AKAP8L: variants seen among roughly 807,000 people sequenced by gnomAD.
AKAP8L encodes A-kinase anchoring protein 8 like.
A neutral mutation model predicts 77.5 loss-of-function variants in AKAP8L; 34 were observed. That is an observed-to-expected ratio of 0.44 (90% CI 0.33 to 0.58). The LOEUF (loss-of-function observed/expected upper bound fraction) is 0.58. Ranked by LOEUF, AKAP8L falls within the 20% of genes least tolerant of loss-of-function variation. The pLI, the probability that AKAP8L is intolerant of heterozygous loss-of-function variation, is 0.02. For synonymous variants in AKAP8L, 342 were observed against 340.7 expected (o/e 1.00, Z -0.04); for missense variants, 806 against 887.6 (o/e 0.91, Z 1.17).
At chr19:15,390,094 G>A (rs1967629648) in intron 12 of AKAP8L, among the ~76,000 whole-genome samples, 1 of 151,646 alleles carries the variant, frequency 6.6e-6, no homozygotes. Context: ...AACAAGTGGA[G>A]ACTGAATTAT....
At chr19:15,387,247 A>ACT (rs1967558245) in intron 12 of AKAP8L, among the ~76,000 whole-genome samples, 2 of 152,080 alleles carry the variant, frequency 1.3e-5, no homozygotes, top group Non-Finnish European at 2.9e-5. Flanking sequence ...AGAGAGAGGT[A>ACT]CTCCATTGTC....
intron 12 of AKAP8L, among the ~76,000 whole-genome samples, chr19:15,391,971 G>C (rs1319051157): frequency 6.6e-6 from 1 of 152,122 alleles, no homozygotes; most frequent in African/African-American, 2.4e-5. Context: ...GCGTAGCGGG[G>C]ACTACAGGCA....
At chr19:15,392,352 T>C (rs1246792090) in intron 12 of AKAP8L, among the ~76,000 whole-genome samples, 2 of 151,624 alleles carry the variant, frequency 1.3e-5, no homozygotes, top group Non-Finnish European at 2.9e-5. Context: ...AAAAATTAGC[T>C]GGGCATAGTG....
intron 12 of AKAP8L, among the ~76,000 whole-genome samples, chr19:15,390,710 A>C (rs1440147761): frequency 1.3e-5 from 2 of 152,220 alleles, no homozygotes; most frequent in East Asian, 1.9e-4. Flanking sequence ...ATATATAAAC[A>C]TAATTACACA....
chr19:15,399,458 G>C lies in AKAP8L; in HGVS notation c.1049-48C>G, dbSNP rs775633147. 1 of 1,438,664 alleles carries C rather than the reference G, an allele frequency of 7.0e-7. No homozygotes were observed. Among genetic ancestry groups the C allele is most frequent in the East Asian group, 2.3e-5 (1 of 44,038 alleles). 89.1% of individuals were successfully genotyped at this position (1,438,664 alleles called of 1,614,324 possible). A position where few individuals can be genotyped will look rare whatever the true frequency, so the allele number is the denominator to read the frequency against. On this transcript the variant is annotated intron_variant, in intron 8 of 13. Coordinates refer to ENST00000397410, the MANE Select transcript of AKAP8L (RefSeq NM_014371.4). The surrounding 1 kb of genome is among the most constrained non-coding windows in gnomAD (Gnocchi z 6.1). ...TCACCAATTTGGCTCTGCCAGGACA[G>C]GGCAGGCCCTGCGGCCTCTGGCTGA...
rs1047479563 is a variant in AKAP8L at position 15,398,840 on chromosome 19, G to A, written c.1157+462C>T. 17 of 1,008,950 alleles carry A rather than the reference G, an allele frequency of 1.7e-5. No individual in the cohort carries two copies. The highest frequency in any genetic ancestry group is 3.9e-5 in the South Asian group (1 of 25,556). The allele number at this position is 1,008,950 out of a possible 1,614,324, so 62.5% of individuals were successfully genotyped here. A position where few individuals can be genotyped will look rare whatever the true frequency, so the allele number is the denominator to read the frequency against. On this transcript the variant is annotated intron_variant, in intron 9 of 13. Transcript: ENST00000397410. The surrounding 1 kb of genome is among the most constrained non-coding windows in gnomAD (Gnocchi z 9.2). Reference sequence around the variant, plus strand: ...ACAGGCCCGGCCTGACAGGGCCGGCGGGCAGGGCAGAAGGCAGGCCCGAGG... The same window carrying A: ...ACAGGCCCGGCCTGACAGGGCCGGCAGGCAGGGCAGAAGGCAGGCCCGAGG...
At chr19:15,413,942 ATC>A (rs1358068755) in intron 1 of AKAP8L, among the ~76,000 whole-genome samples, 1 of 152,202 alleles carries the variant, frequency 6.6e-6, no homozygotes, top group Non-Finnish European at 1.5e-5. Flanking sequence ...ATCAATGGCA[ATC>A]TCTGCTCTAA....
chr19:15,384,281 A>G (rs1967480394), intron 12 of AKAP8L, among the ~76,000 whole-genome samples: 1 of 142,402 alleles, frequency 7.0e-6, no homozygotes, highest in African/African-American at 2.6e-5. Context: ...AAAGATCTCA[A>G]GCCTTTCTTC....
rs1967812277 is a variant in AKAP8L at position 15,397,945 on chromosome 19, A to G, written c.1158-90T>C. The G allele has an allele frequency of 6.6e-7, 1 of 1,506,602 alleles. No individual in the cohort carries two copies. Among genetic ancestry groups the G allele is most frequent in the Admixed American group, 2.0e-5 (1 of 50,410 alleles). 93.3% of individuals were successfully genotyped at this position (1,506,602 alleles called of 1,614,324 possible). A position where few individuals can be genotyped will look rare whatever the true frequency, so the allele number is the denominator to read the frequency against. On this transcript the variant is annotated intron_variant, in intron 9 of 13. Transcript: ENST00000397410. The surrounding 1 kb of genome is among the most constrained non-coding windows in gnomAD (Gnocchi z 4.7). The stretch of plus-strand genomic sequence containing the variant: ...ACCCAACCCAGACACAAGCCCTGAA[A>G]CAGGCCTTGCTCACGGGCCTCTGAA...
At chr19:15,382,797 G>A (rs1325757684) in intron 12 of AKAP8L, among the ~76,000 whole-genome samples, 2 of 152,112 alleles carry the variant, frequency 1.3e-5, no homozygotes, top group African/African-American at 2.4e-5. Flanking sequence ...TTTCACTTGC[G>A]ACCAGCCACT....
intron 12 of AKAP8L, among the ~76,000 whole-genome samples, chr19:15,388,922 A>T (rs1373728399): frequency 7.5e-6 from 1 of 133,584 alleles, no homozygotes; most frequent in Non-Finnish European, 1.6e-5. Context: ...TCTCTAAAAA[A>T]GAGTGAACTT....
At chr19:15,385,469 C>T (rs1372039439) in intron 12 of AKAP8L, among the ~76,000 whole-genome samples, 1 of 152,222 alleles carries the variant, frequency 6.6e-6, no homozygotes, top group Non-Finnish European at 1.5e-5. Context: ...GCATGAGCCA[C>T]CGCGCCCGGC....
intron 12 of AKAP8L, among the ~76,000 whole-genome samples, chr19:15,393,815 A>G (rs558349104): frequency 1.1e-4 from 16 of 151,512 alleles, no homozygotes; most frequent in African/African-American, 3.9e-4. Flanking sequence ...AGCTAGGAGA[A>G]TTGCTTGGAC....
chr19:15,404,238 C>G (rs986026113), intron 2 of AKAP8L, 196 bp from the exon 3 acceptor site: 8 of 593,250 alleles, frequency 1.3e-5, no homozygotes, highest in Non-Finnish European at 2.4e-5. Context: ...GCCTGTGGCT[C>G]TGAGCATCTG....
intron 12 of AKAP8L, among the ~76,000 whole-genome samples, chr19:15,393,198 G>A (rs777318345): frequency 6.6e-6 from 1 of 151,854 alleles, no homozygotes; most frequent in Non-Finnish European, 1.5e-5. Context: ...AACTCAAATG[G>A]AACAAAGACC....
At chr19:15,391,698 C>G (rs892119398) in intron 12 of AKAP8L, among the ~76,000 whole-genome samples, 2 of 151,556 alleles carry the variant, frequency 1.3e-5, no homozygotes, top group East Asian at 3.9e-4. Flanking sequence ...GCCACCACAC[C>G]TGGCTAATTT....
Position 15,399,446 on chromosome 19 carries a change from T to C in AKAP8L, c.1049-36A>G. On this transcript the variant is annotated intron_variant, in intron 8 of 13. Coordinates refer to ENST00000397410, the MANE Select transcript of AKAP8L (RefSeq NM_014371.4). The surrounding 1 kb of genome is among the most constrained non-coding windows in gnomAD (Gnocchi z 6.1). ...AGATGGGCACTGTCACCAATTTGGC[T>C]CTGCCAGGACAGGGCAGGCCCTGCG... The C allele has an allele frequency of 6.5e-7, 1 of 1,539,362 alleles. No individual in the cohort carries two copies. The highest frequency in any genetic ancestry group is 9.0e-7 in the Non-Finnish European group (1 of 1,112,580).
At chr19:15,409,293 T>C (rs1179931349) in intron 2 of AKAP8L, among the ~76,000 whole-genome samples, 2 of 152,010 alleles carry the variant, frequency 1.3e-5, no homozygotes, top group Non-Finnish European at 2.9e-5. Context: ...AGAGGGAAAA[T>C]AATTCAAAAG....
intron 2 of AKAP8L, among the ~76,000 whole-genome samples, chr19:15,406,365 GAGA>G (rs1568271588): frequency 2.8e-3 from 316 of 114,684 alleles, no homozygotes; most frequent in African/African-American, 9.7e-3. Flanking sequence ...ATTTTAAGGA[GAGA>G]GAGAGAGAGA....
Sources: allele counts gnomAD v4.1 joint callset (sites outside exome capture counted in the v4.1 genomes callset), GRCh38; gene constraint gnomAD v4.1.1; non-coding constraint Gnocchi (gnomAD v3.1); transcripts MANE v1.5; gene names NCBI Gene and HGNC (gene_info 2026-07-23, HGNC 2026-07-21).